The following RUNX2 variants were observed in gnomAD, a reference collection of about 807,000 sequenced individuals.
RUNX2 encodes runt-related transcription factor 2.
A neutral mutation model predicts 51.7 loss-of-function variants in RUNX2; 10 were observed. The ratio of observed to expected loss-of-function variants is 0.19; its 90% CI spans 0.12 to 0.33. The LOEUF is 0.33. Among genes scored for constraint, RUNX2 ranks in the 10% least tolerant of loss-of-function variants. The probability of loss-of-function intolerance (pLI) is 1.00; values close to 1 mark genes in which losing one functional copy is unlikely to be tolerated. For missense variants in RUNX2, 562 were observed against 691.3 expected (o/e 0.81, Z 2.10); for synonymous variants, 276 against 273.6 (o/e 1.01, Z -0.09).
At chr6:45,370,038 G>A (rs1318673965) in intron 2 of RUNX2, among the ~76,000 whole-genome samples, 1 of 152,122 alleles carries the variant, frequency 6.6e-6, no homozygotes, top group East Asian at 1.9e-4. Flanking sequence ...GTAATGTGAA[G>A]CTATTAGAGA....
intron 6 of RUNX2, among the ~76,000 whole-genome samples, chr6:45,502,214 G>A (rs1370445735): frequency 6.6e-6 from 1 of 152,138 alleles, no homozygotes; most frequent in East Asian, 1.9e-4. Flanking sequence ...TTCATCTAAA[G>A]CAGCACACTG....
At chr6:45,329,770 T>C (rs929009783) in intron 2 of RUNX2, among the ~76,000 whole-genome samples, 2 of 151,972 alleles carry the variant, frequency 1.3e-5, no homozygotes, top group African/African-American at 4.8e-5. Flanking sequence ...GATACAGATA[T>C]GTAAATGACT....
At chr6:45,414,166 G>A (rs1798012666) in intron 2 of RUNX2, among the ~76,000 whole-genome samples, 1 of 152,172 alleles carries the variant, frequency 6.6e-6, no homozygotes, top group African/African-American at 2.4e-5. Context: ...TTAGATGAAG[G>A]AAGGTAATGG....
chr6:45,357,003 A>C (rs1793323346), intron 2 of RUNX2, among the ~76,000 whole-genome samples: 1 of 152,032 alleles, frequency 6.6e-6, no homozygotes, highest in Non-Finnish European at 1.5e-5. Context: ...TTAGTAATGA[A>C]GAATCCATTT....
intron 2 of RUNX2, among the ~76,000 whole-genome samples, chr6:45,411,029 C>G (rs1027144595): frequency 6.6e-6 from 1 of 152,136 alleles, no homozygotes; most frequent in Non-Finnish European, 1.5e-5. Context: ...TCCTGTTGCT[C>G]TGTTCCTGGA....
chr6:45,415,771 G>A (rs1431327362), intron 2 of RUNX2, among the ~76,000 whole-genome samples: 1 of 152,036 alleles, frequency 6.6e-6, no homozygotes, highest in Non-Finnish European at 1.5e-5. Flanking sequence ...AAACATGATT[G>A]CCAACTGATA....
intron 5 of RUNX2, among the ~76,000 whole-genome samples, chr6:45,475,032 G>A (rs1172651797): frequency 6.6e-6 from 1 of 151,704 alleles, no homozygotes; most frequent in Admixed American, 6.6e-5. Context: ...GCTGAGGCAG[G>A]AGAGTCGCTT....
At chr6:45,428,983 T>C (rs1798462594) in intron 3 of RUNX2, among the ~76,000 whole-genome samples, 1 of 152,142 alleles carries the variant, frequency 6.6e-6, no homozygotes, top group Non-Finnish European at 1.5e-5. Context: ...AGAATGCTTA[T>C]AAGTAAAAGC....
At chr6:45,381,192 T>C (rs1357723036) in intron 2 of RUNX2, among the ~76,000 whole-genome samples, 1 of 152,224 alleles carries the variant, frequency 6.6e-6, no homozygotes, top group Non-Finnish European at 1.5e-5. Flanking sequence ...TAGAGCAAGT[T>C]GTTCTGACCA....
At chr6:45,410,810 A>T (rs1386854358) in intron 2 of RUNX2, among the ~76,000 whole-genome samples, 1 of 152,206 alleles carries the variant, frequency 6.6e-6, no homozygotes, top group Non-Finnish European at 1.5e-5. Context: ...ACCTGAAACA[A>T]TTAGTTTGGC....
At chr6:45,486,177 T>C (rs2150403558) in intron 5 of RUNX2, among the ~76,000 whole-genome samples, 1 of 152,234 alleles carries the variant, frequency 6.6e-6, no homozygotes, top group African/African-American at 2.4e-5. Flanking sequence ...TTAAAAACAG[T>C]TCATATTCAG....
intron 2 of RUNX2, among the ~76,000 whole-genome samples, chr6:45,345,303 A>AG (rs1790627121): frequency 6.6e-6 from 1 of 152,214 alleles, no homozygotes; most frequent in African/African-American, 2.4e-5. Context: ...TGAGGTTGAC[A>AG]GTAAAACTTT....
intron 2 of RUNX2, among the ~76,000 whole-genome samples, chr6:45,356,049 T>C (rs941121746): frequency 6.6e-6 from 1 of 152,062 alleles, no homozygotes; most frequent in African/African-American, 2.4e-5. Context: ...CAGAAACCTA[T>C]GAAAGGTAAG....
chr6:45,350,878 C>T (rs953969837), intron 2 of RUNX2, among the ~76,000 whole-genome samples: 13 of 152,152 alleles, frequency 8.5e-5, no homozygotes, highest in Non-Finnish European at 1.5e-4. Flanking sequence ...AGTTCCAGTT[C>T]GTGGCCTGTT....
At chr6:45,328,600 C>CT in intron 1 of RUNX2, 61 bp from the exon 2 acceptor site, 1 of 1,602,590 alleles carries the variant, frequency 6.2e-7, no homozygotes, top group East Asian at 2.3e-5. Context: ...AATATAAAGT[C>CT]TATGTACTCC....
chr6:45,406,845 A>T (rs774035232), intron 2 of RUNX2, among the ~76,000 whole-genome samples: 3 of 152,174 alleles, frequency 2.0e-5, no homozygotes, highest in South Asian at 2.1e-4. Flanking sequence ...AGCCCAACCC[A>T]GTACTAGGAA....
At chr6:45,449,809 C>T (rs1799108555) in intron 5 of RUNX2, among the ~76,000 whole-genome samples, 1 of 152,048 alleles carries the variant, frequency 6.6e-6, no homozygotes, top group African/African-American at 2.4e-5. Context: ...ATAACTTAAC[C>T]TCAATAGAAT....
chr6:45,335,646 T>C (rs1788391132), intron 2 of RUNX2, among the ~76,000 whole-genome samples: 1 of 151,294 alleles, frequency 6.6e-6, no homozygotes, highest in South Asian at 2.1e-4. Flanking sequence ...TATCAATCAC[T>C]GTGTTTTCCA....
At chr6:45,444,215 A>G (rs1291206870) in intron 5 of RUNX2, among the ~76,000 whole-genome samples, 1 of 152,190 alleles carries the variant, frequency 6.6e-6, no homozygotes, top group Non-Finnish European at 1.5e-5. Flanking sequence ...CACCTTGGCA[A>G]ACCTACTGCC....
Sources: allele counts gnomAD v4.1 joint callset (sites outside exome capture counted in the v4.1 genomes callset), GRCh38; gene constraint gnomAD v4.1.1; transcripts MANE v1.5; gene names NCBI Gene and HGNC (gene_info 2026-07-23, HGNC 2026-07-21).